Variants in C1QTNF8 observed in about 807,000 individuals in gnomAD.
C1QTNF8 encodes C1q and TNF related 8.
A neutral mutation model predicts 19.2 loss-of-function variants in C1QTNF8; 27 were observed. That is an observed-to-expected ratio of 1.41 (90% CI 1.04 to 1.94). The LOEUF is 1.94. C1QTNF8 is among the 30% of genes most tolerant of loss of function. The pLI is 0.00. For missense variants in C1QTNF8, 484 were observed against 374.4 expected (o/e 1.29, Z -2.42); for synonymous variants, 208 against 172.8 (o/e 1.20, Z -1.60).
Position 1,093,539 on chromosome 16 carries a change from A to G in C1QTNF8, c.721T>C (p.Phe241Leu). 6.4e-7 allele frequency: 1 copy of G among 1,565,840 alleles called. No homozygotes were observed. Among genetic ancestry groups the G allele is most frequent in the South Asian group, 1.1e-5 (1 of 87,190 alleles). ...GCCGGCTTGACCAGGTGGCCGCTGA[A>G]GGTGATGTAGAGGTCTCCGTGCTCG... ...YGEHGDLYITFSGHLVKPAAE... is the reference protein window; with the variant it reads ...YGEHGDLYITLSGHLVKPAAE... Residue 241 changes from phenylalanine (F) to leucine (L), a missense_variant, in exon 4 of 5, where the codon TTC becomes CTC. Physicochemically the swap from Phe to Leu is conservative, Grantham distance 22. Coordinates refer to ENST00000328449, the MANE Select transcript of C1QTNF8 (RefSeq NM_207419.3).
In C1QTNF8 at chr16:1,089,710, G is replaced by A. The variant is rs1427127539; in HGVS notation, c.*889C>T. Among the ~76,000 whole-genome samples the A allele has an allele frequency of 6.6e-6, 1 of 152,228 alleles. No individual in the cohort carries two copies. Among genetic ancestry groups the A allele is most frequent in the Non-Finnish European group, 1.5e-5 (1 of 68,030 alleles). ...TGCTGCAGCCAGGACCAGGCTGTGGGCTTCTCTCCTGGCACCTCTTAGCGC... is the reference window on the plus strand; with the variant it reads ...TGCTGCAGCCAGGACCAGGCTGTGGACTTCTCTCCTGGCACCTCTTAGCGC... On this transcript the variant is annotated 3_prime_UTR_variant, in exon 5 of 5. Transcript: ENST00000328449.
intron 3 of C1QTNF8, 77 bp downstream of exon 3, chr16:1,094,638 G>T: frequency 7.9e-7 from 1 of 1,265,198 alleles, no homozygotes; most frequent in Non-Finnish European, 1.1e-6. Context: ...CTCCTCCCAA[G>T]CCCCAGGTGC....
intron 3 of C1QTNF8, chr16:1,094,488 C>T (rs942099538): frequency 1.0e-5 from 5 of 494,704 alleles, no homozygotes; most frequent in Non-Finnish European, 1.8e-5. Context: ...CCCCCTTCCC[C>T]AGGATCCTCA....
chr16:1,093,400 CCA>C (rs1416044863), intron 4 of C1QTNF8, 95 bp downstream of exon 4: 358 of 601,272 alleles, frequency 6.0e-4, no homozygotes, highest in South Asian at 1.2e-3. Flanking sequence ...CCACACCCAC[CCA>C]CACACACACA....
At position 1,093,912 on chromosome 16, in the gene C1QTNF8, G is replaced by A. The variant is rs368835921; in HGVS notation, c.348C>T (p.Tyr116=). ...GPPGAACRRA[Y]AAFSVGRREG... ...CGCGCCGGCCCACGGAGAAGGCGGCGTAGGCACGTCGGCACGCGGCGCCCG... is the reference window on the plus strand; with the variant it reads ...CGCGCCGGCCCACGGAGAAGGCGGCATAGGCACGTCGGCACGCGGCGCCCG... The change falls in exon 4 of 5, where the codon TAC becomes TAT. Residue 116 remains tyrosine, a synonymous_variant. Transcript: ENST00000328449. 7.5e-5 allele frequency: 116 copies of A among 1,544,528 alleles called. No homozygotes were observed. Among genetic ancestry groups the A allele is most frequent in the African/African-American group, 6.9e-4 (49 of 71,336 alleles).
At chr16:1,092,345 GGCGCTCAATC>G (rs1960563761) in intron 4 of C1QTNF8, among the ~76,000 whole-genome samples, 3 of 151,352 alleles carry the variant, frequency 2.0e-5, no homozygotes, top group Admixed American at 2.0e-4. Flanking sequence ...GCACACAGTC[GGCGCTCAATC>G]AATCCCTGCA....
In C1QTNF8 at chr16:1,093,963, T is replaced by G; in HGVS notation, c.297A>C (p.Arg99Ser). The G allele has an allele frequency of 1.4e-6, 2 of 1,480,478 alleles. No homozygotes were observed. The highest frequency in any genetic ancestry group is 1.8e-6 in the Non-Finnish European group (2 of 1,129,994). 91.7% of individuals were successfully genotyped at this position (1,480,478 alleles called of 1,614,324 possible). Residue 99 changes from arginine to serine, a missense_variant, in exon 4 of 5, where the codon AGA becomes AGC. Physicochemically the swap from Arg to Ser is moderately radical, Grantham distance 110. Transcript: ENST00000328449. ...PPGARGLQGR[R>S]GQKGQVGPPG... ...GCGGCCCCACCTGCCCCTTCTGGCC[T>G]CTGCGGCCCTGCAGGCCCCGGGCGC...
At position 1,094,827 on chromosome 16, in the gene C1QTNF8, C is replaced by A. The variant is rs149525134; in HGVS notation, c.96G>T (p.Pro32=). The A allele has an allele frequency of 8.9e-6, 13 of 1,467,986 alleles. 1 individual carries two copies. The highest frequency in any genetic ancestry group is 1.5e-5 in the South Asian group (1 of 68,790). 90.9% of individuals were successfully genotyped at this position (1,467,986 alleles called of 1,614,324 possible). ...GGGCATAGGGTCCAGGGGGCCAGGC[C>A]GGGCGGCAGCAGTGCACACAGGGCC... The part of the protein sequence containing the change: ...PRRPCVHCCR[P]AWPPGPYARV... The change falls in exon 3 of 5, where the codon CCG becomes CCT. Residue 32 remains proline, a synonymous_variant. Coordinates refer to ENST00000328449, the MANE Select transcript of C1QTNF8 (RefSeq NM_207419.3).
chr16:1,093,090 A>AGCACACAGTCGGCGCTCAACCAATCCCT (rs1960588704), intron 4 of C1QTNF8, among the ~76,000 whole-genome samples: 1 of 23,792 alleles, frequency 4.2e-5, no homozygotes, highest in African/African-American at 1.6e-4. Context: ...AACCAATCAC[A>AGCACACAGTCGGCGCTCAACCAATCCCT]GCACACAGTC....
At chr16:1,093,315 GCA>G in intron 4 of C1QTNF8, among the ~76,000 whole-genome samples, 180 bp downstream of exon 4, 1 of 141,332 alleles carries the variant, frequency 7.1e-6, no homozygotes, top group East Asian at 1.9e-4. Context: ...ACCAATCCCT[GCA>G]CACAGTCAGC....
chr16:1,092,291 C>A (rs991925912), intron 4 of C1QTNF8, among the ~76,000 whole-genome samples: 2 of 152,112 alleles, frequency 1.3e-5, no homozygotes, highest in Non-Finnish European at 2.9e-5. Flanking sequence ...ACACAGCTGG[C>A]ACTCAATCAG....
intron 4 of C1QTNF8, among the ~76,000 whole-genome samples, chr16:1,091,264 G>T (rs1960538292): frequency 6.6e-6 from 1 of 152,106 alleles, no homozygotes; most frequent in African/African-American, 2.4e-5. Context: ...CCCCACCCGG[G>T]GATGCTTTAT....
At chr16:1,095,282 C>T (rs1253606977) in intron 2 of C1QTNF8, among the ~76,000 whole-genome samples, 2 of 152,222 alleles carry the variant, frequency 1.3e-5, no homozygotes, top group African/African-American at 4.8e-5. Flanking sequence ...AGGCCCCACC[C>T]ACTGTGGCTG....
chr16:1,094,899 G>C lies in C1QTNF8; in HGVS notation c.24C>G (p.Leu8=). 7.4e-7 allele frequency: 1 copy of C among 1,354,938 alleles called. No homozygotes were observed. The highest frequency in any genetic ancestry group is 9.5e-7 in the Non-Finnish European group (1 of 1,048,318). The allele number at this position is 1,354,938 out of a possible 1,614,324, so 83.9% of individuals were successfully genotyped here. ...CCCCCACGGGCAGCAGCAGTGCTAG[G>C]AGCAGCAGGGCGGGGGCTGCCATCT... MAAPALL[L]LALLLPVGAW... is the part of the protein sequence containing the mutation. Residue 8 remains leucine (L), a synonymous_variant, in exon 3 of 5, where the codon CTC becomes CTG. Transcript: ENST00000328449.
intron 4 of C1QTNF8, 85 bp downstream of exon 4, chr16:1,093,403 CACACACACA>C: frequency 2.9e-6 from 2 of 686,534 alleles, no homozygotes; most frequent in Non-Finnish European, 4.4e-6. Context: ...CACCCACCCA[CACACACACA>C]CCCACACCCA....
Position 1,093,661 on chromosome 16 carries a change from C to G in C1QTNF8, c.599G>C (p.Ser200Thr). The change falls in exon 4 of 5, where the codon AGC (serine) becomes ACC (threonine). Residue 200 changes from serine (S) to threonine (T), a missense_variant. Coordinates refer to ENST00000328449, the MANE Select transcript of C1QTNF8 (RefSeq NM_207419.3). ...CATCAGGCTCTGGGCCTGCATGACG[C>G]TGCGCTCGCTGGGCTGCGCGTAGAG... ...AVLYAQPSER[S>T]VMQAQSLMLL... The G allele has an allele frequency of 1.2e-6, 2 of 1,611,700 alleles. No individual in the cohort carries two copies. The highest frequency in any genetic ancestry group is 1.1e-5 in the South Asian group (1 of 91,026).
In C1QTNF8 at chr16:1,093,083, C is replaced by G. The variant is rs1251682965; in HGVS notation, c.*4+414G>C. On this transcript the variant is annotated intron_variant, in intron 4 of 4. Transcript: ENST00000328449. ...TCACTGCACACAGTCGGCGCTCAAC[C>G]AATCACAGCACACAGTCGGCGCTCA... Among the ~76,000 whole-genome samples, 6 of 126,802 alleles carry G rather than the reference C, an allele frequency of 4.7e-5. No homozygotes were observed. The South Asian group carries it at 1.4e-3, about 29-fold the overall frequency. 83.2% of individuals were successfully genotyped at this position (126,802 alleles called of 152,430 possible).
At chr16:1,092,737 GGCGC>G (rs1960578965) in intron 4 of C1QTNF8, among the ~76,000 whole-genome samples, 1 of 58,930 alleles carries the variant, frequency 1.7e-5, no homozygotes, top group Non-Finnish European at 3.4e-5. Flanking sequence ...GCACACAGTC[GGCGC>G]TCAACCAATC....
chr16:1,091,384 C>T (rs117210023), intron 4 of C1QTNF8, among the ~76,000 whole-genome samples: 2,132 of 152,052 alleles, frequency 0.014, 24 homozygotes, highest in Middle Eastern at 0.031. Flanking sequence ...GAGGAGGAGG[C>T]GGTGCGTGGG....
Sources: gnomAD v4.1 joint callset for allele counts (sites outside exome capture counted in the v4.1 genomes callset) on GRCh38, gnomAD v4.1.1 for gene constraint, MANE v1.5 for transcripts, NCBI Gene and HGNC (gene_info 2026-07-23, HGNC 2026-07-21) for gene names.